The following CUX1 variants were observed in gnomAD, a reference collection of about 807,000 sequenced individuals.
CUX1 encodes protein CASP.
In CUX1, 31 loss-of-function variants were observed where a neutral mutation model predicts 158.8. That is an observed-to-expected ratio of 0.20 (90% CI 0.15 to 0.26). The LOEUF (loss-of-function observed/expected upper bound fraction) is 0.26. Among genes scored for constraint, CUX1 ranks in the 10% least tolerant of loss-of-function variants. The pLI is 1.00. For missense variants in CUX1, 1,589 were observed against 2,014.6 expected (o/e 0.79, Z 4.04); for synonymous variants, 879 against 862.1 (o/e 1.02, Z -0.34).
In CUX1 at chr7:101,858,752, G is replaced by T. The variant is rs1007334000; in HGVS notation, c.30+41083G>T. On this transcript the variant is annotated intron_variant, in intron 1 of 23. Transcript: ENST00000292535. ...ACGATCTTAGCTCACTGCAACCTCC[G>T]CCTCCCAGGTTCGAGAGATTCTCCT... Among the ~76,000 whole-genome samples the T allele has an allele frequency of 5.2e-5, 7 of 135,588 alleles. No homozygotes were observed. In the East Asian group the frequency reaches 1.6e-3, roughly 31 times the overall value. The allele number at this position is 135,588 out of a possible 152,430, so 89.0% of individuals were successfully genotyped here. A position where few individuals can be genotyped will look rare whatever the true frequency, so the allele number is the denominator to read the frequency against.
intron 14 of CUX1, among the ~76,000 whole-genome samples, chr7:102,269,451 G>A (rs1175753676): frequency 6.6e-6 from 1 of 151,634 alleles, no homozygotes; most frequent in African/African-American, 2.4e-5. Context: ...TGTTGCCCAG[G>A]GTGGAGTACA....
At chr7:101,926,854 C>T (rs546710518) in intron 2 of CUX1, among the ~76,000 whole-genome samples, 5 of 152,290 alleles carry the variant, frequency 3.3e-5, no homozygotes, top group South Asian at 2.1e-4. Flanking sequence ...AACAAACACC[C>T]TCCTCTCTTC....
chr7:102,214,237 G>A (rs1274760903), intron 20 of CUX1, among the ~76,000 whole-genome samples: 1 of 152,074 alleles, frequency 6.6e-6, no homozygotes, highest in Non-Finnish European at 1.5e-5. Context: ...CAAGAAGAAG[G>A]TGGTGGCCAG....
At chr7:101,961,940 A>G (rs1391424362) in intron 2 of CUX1, 1 of 152,148 alleles carries the variant, frequency 6.6e-6, no homozygotes, top group African/African-American at 2.4e-5. Flanking sequence ...GCAAAAAGAA[A>G]GCAACTTAGG....
intron 23 of CUX1, among the ~76,000 whole-genome samples, chr7:102,241,062 C>T (rs984372496): frequency 1.1e-4 from 17 of 152,140 alleles, no homozygotes; most frequent in Non-Finnish European, 2.5e-4. Context: ...TCAAGTGATC[C>T]GCCTGCCTCG....
At chr7:102,177,757 C>T (rs1348016471) in intron 10 of CUX1, among the ~76,000 whole-genome samples, 2 of 152,174 alleles carry the variant, frequency 1.3e-5, no homozygotes, top group Non-Finnish European at 2.9e-5. Context: ...CTGACTCTGG[C>T]CTCTGTTTTA....
chr7:101,923,373 A>T (rs1005697790), intron 2 of CUX1, among the ~76,000 whole-genome samples: 1 of 152,150 alleles, frequency 6.6e-6, no homozygotes, highest in Admixed American at 6.5e-5. Context: ...ACCTTCTCTG[A>T]TGGGAGAAAA....
chr7:101,935,909 G>A (rs1806865455), intron 2 of CUX1, among the ~76,000 whole-genome samples: 2 of 152,206 alleles, frequency 1.3e-5, no homozygotes, highest in Non-Finnish European at 2.9e-5. Context: ...TGGACGTTTG[G>A]GGACAGAGGT....
chr7:101,997,449 T>G (rs1343362446), intron 2 of CUX1, among the ~76,000 whole-genome samples: 3 of 152,108 alleles, frequency 2.0e-5, no homozygotes, highest in Non-Finnish European at 4.4e-5. Context: ...GTTCAAGAGA[T>G]TCTCCTGCCC....
intron 20 of CUX1, among the ~76,000 whole-genome samples, chr7:102,216,023 C>T (rs1797007341): frequency 6.6e-6 from 1 of 152,170 alleles, no homozygotes; most frequent in African/African-American, 2.4e-5. Context: ...AGACCTCCTG[C>T]CTGGGCACAG....
chr7:101,941,715 T>C (rs1026447278), intron 2 of CUX1, among the ~76,000 whole-genome samples: 1 of 152,166 alleles, frequency 6.6e-6, no homozygotes, highest in African/African-American at 2.4e-5. Flanking sequence ...GGATCACAGA[T>C]CAGGAGCGAA....
intron 2 of CUX1, among the ~76,000 whole-genome samples, chr7:102,017,122 G>A (rs1019930347): frequency 2.6e-5 from 4 of 152,002 alleles, no homozygotes; most frequent in African/African-American, 4.8e-5. Context: ...TGGCCAACAC[G>A]GTGAAACCTT....
chr7:102,162,704 G>A (rs191814752), intron 9 of CUX1, among the ~76,000 whole-genome samples: 12 of 152,192 alleles, frequency 7.9e-5, no homozygotes, highest in East Asian at 7.7e-4. Flanking sequence ...TAGTAGAGAC[G>A]GGGTTTTGCC....
intron 2 of CUX1, among the ~76,000 whole-genome samples, chr7:101,940,078 T>TAA (rs1180448927): frequency 8.7e-6 from 1 of 115,186 alleles, no homozygotes; most frequent in African/African-American, 3.2e-5. Flanking sequence ...AGACTCCATC[T>TAA]AAAAAAAAAA....
chr7:102,167,566 A>G (rs2131649894), intron 9 of CUX1, among the ~76,000 whole-genome samples: 1 of 152,340 alleles, frequency 6.6e-6, no homozygotes, highest in Non-Finnish European at 1.5e-5. Flanking sequence ...AGGCTAAGAA[A>G]TAGGTTTTCT....
chr7:101,918,663 C>G (rs1010355968), intron 2 of CUX1, among the ~76,000 whole-genome samples: 4 of 152,276 alleles, frequency 2.6e-5, no homozygotes, highest in Non-Finnish European at 4.4e-5. Flanking sequence ...TATGCACTTT[C>G]TCATCCAAGG....
intron 8 of CUX1, among the ~76,000 whole-genome samples, chr7:102,134,302 A>C (rs1361672719): frequency 6.6e-6 from 1 of 152,194 alleles, no homozygotes; most frequent in Non-Finnish European, 1.5e-5. Context: ...GCACCACTGC[A>C]CTTCAGCCTG....
intron 2 of CUX1, among the ~76,000 whole-genome samples, chr7:102,020,128 G>C (rs929120705): frequency 2.0e-5 from 3 of 152,210 alleles, no homozygotes; most frequent in African/African-American, 7.2e-5. Context: ...TAAAATCTTT[G>C]AGAAATTGCC....
chr7:102,111,643 G>C (rs1181635634), intron 6 of CUX1, 55 bp from the exon 7 acceptor site: 1 of 1,520,086 alleles, frequency 6.6e-7, no homozygotes, highest in African/African-American at 1.4e-5. Flanking sequence ...AGGCACACGT[G>C]CATTTCAGTT....
Sources: allele counts gnomAD v4.1 joint callset (sites outside exome capture counted in the v4.1 genomes callset), GRCh38; gene constraint gnomAD v4.1.1; transcripts MANE v1.5; gene names NCBI Gene and HGNC (gene_info 2026-07-23, HGNC 2026-07-21).